UBE2Z: variants seen among roughly 807,000 people sequenced by gnomAD.
UBE2Z encodes the protein ubiquitin-conjugating enzyme E2 Z.
Under a neutral mutation model 32.6 loss-of-function variants are expected in UBE2Z, and 10 were observed. The observed-to-expected ratio is 0.31, with a 90% CI of 0.19 to 0.52. UBE2Z has a LOEUF of 0.52. Among genes scored for constraint, UBE2Z ranks in the 20% least tolerant of loss-of-function variants. UBE2Z has a pLI of 0.97. For missense variants in UBE2Z, 343 were observed against 480.9 expected, an observed-to-expected ratio of 0.71 and a Z score of 2.68; for synonymous variants, 183 against 190.8, an observed-to-expected ratio of 0.96 and a Z score of 0.34.
intron 4 of UBE2Z, among the ~76,000 whole-genome samples, chr17:48,919,273 C>T (rs1015066424): frequency 2.0e-5 from 3 of 151,964 alleles, no homozygotes; most frequent in East Asian, 1.9e-4. Flanking sequence ...TGTGAGCTAC[C>T]GCGCCTGGCC....
Position 48,910,786 on chromosome 17 carries a change from ACCT to A in UBE2Z, c.318-17_318-15del, listed in dbSNP as rs536169994. 39 of 1,588,136 alleles carry A rather than the reference ACCT, an allele frequency of 2.5e-5. No individual in the cohort carries two copies. Among genetic ancestry groups the A allele is most frequent in the Non-Finnish European group, 3.4e-5 (39 of 1,158,354 alleles). ...CCCCCTCTTCCTCACTCCTTCCCCC[ACCT>A]CCTCTTGGTGTTATACAGGGATATC... On this transcript the variant is annotated intron_variant, in intron 1 of 6. Coordinates refer to ENST00000360943, the MANE Select transcript of UBE2Z (RefSeq NM_023079.5).
intron 5 of UBE2Z, among the ~76,000 whole-genome samples, chr17:48,922,243 C>T (rs946677017): frequency 5.9e-5 from 9 of 151,878 alleles, no homozygotes; most frequent in African/African-American, 1.5e-4. Flanking sequence ...AAAAATTACC[C>T]GGGTGTGGTG....
chr17:48,917,855 A>AC (rs1567778856), intron 4 of UBE2Z, among the ~76,000 whole-genome samples: 1 of 152,216 alleles, frequency 6.6e-6, no homozygotes, highest in Non-Finnish European at 1.5e-5. Flanking sequence ...TGCCTTCCTG[A>AC]ATTACTCATG....
chr17:48,923,120 G>A (rs2040773445), intron 6 of UBE2Z, 183 bp downstream of exon 6: 3 of 483,982 alleles, frequency 6.2e-6, no homozygotes, highest in Non-Finnish European at 1.1e-5. Flanking sequence ...GGGAAATTGA[G>A]ACCATCCTGG....
In UBE2Z at chr17:48,910,836, C is replaced by T. The variant is rs1472254640; in HGVS notation, c.346C>T (p.Pro116Ser). ...RDIMSIYKEP[P>S]PGMFVVPDTV... ...TATCATGTCCATTTATAAGGAGCCTCCTCCAGGAATGTTCGTTGTACCTGA... is the reference window on the plus strand; with the variant it reads ...TATCATGTCCATTTATAAGGAGCCTTCTCCAGGAATGTTCGTTGTACCTGA... The change falls in exon 2 of 7, where the codon CCT becomes TCT. Residue 116 changes from proline to serine, a missense_variant. Around this residue, in one of 4 missense-constraint regions of UBE2Z, gnomAD observed 182 missense variants for 312.4 expected, o/e 0.58. Coordinates refer to ENST00000360943, the MANE Select transcript of UBE2Z (RefSeq NM_023079.5). 1.9e-6 allele frequency: 3 copies of T among 1,613,580 alleles called. No homozygotes were observed.
At chr17:48,916,817 T>A (rs1357780931) in intron 4 of UBE2Z, among the ~76,000 whole-genome samples, 1 of 149,028 alleles carries the variant, frequency 6.7e-6, no homozygotes, top group Non-Finnish European at 1.5e-5. Flanking sequence ...TAAAACCCCA[T>A]CTCTACTAAA....
rs15563 is a variant in UBE2Z at position 48,927,831 on chromosome 17, A to G, written c.*697A>G. 0.41 allele frequency: 62,860 copies of G among 152,490 alleles called. 15,508 individuals are homozygous for G. The highest frequency in any genetic ancestry group is 0.71 in the East Asian group (3,669 of 5,168). 9.4% of individuals were successfully genotyped at this position (152,490 alleles called of 1,614,324 possible). ...ACCCTTTTCTAGATGTAAGACAGAA[A>G]GTAAATGTGACTGGGACTTAACCAA... On this transcript the variant is annotated 3_prime_UTR_variant, in exon 7 of 7. Coordinates refer to ENST00000360943, the MANE Select transcript of UBE2Z (RefSeq NM_023079.5).
Position 48,927,264 on chromosome 17 carries a change from A to C in UBE2Z, c.*130A>C. The C allele has an allele frequency of 1.5e-5, 15 of 1,014,892 alleles. No homozygotes were observed. The highest frequency in any genetic ancestry group is 2.0e-5 in the Non-Finnish European group (14 of 699,904). The allele number at this position is 1,014,892 out of a possible 1,614,324, so 62.9% of individuals were successfully genotyped here. ...TCATCCTGCAAGATGGCAAGAACCA[A>C]GCAAGCTCCGATCCCAGGGTGTGGG... On this transcript the variant is annotated 3_prime_UTR_variant, in exon 7 of 7. Transcript: ENST00000360943.
intron 2 of UBE2Z, 81 bp downstream of exon 2, chr17:48,910,961 G>C: frequency 3.6e-6 from 4 of 1,118,150 alleles, no homozygotes; most frequent in Non-Finnish European, 1.4e-6. Context: ...AGATTATTCA[G>C]CTCACCTCTC....
chr17:48,926,967 C>T lies in UBE2Z; in HGVS notation c.898C>T (p.Pro300Ser). 6.2e-7 allele frequency: 1 copy of T among 1,612,330 alleles called. No individual in the cohort carries two copies. The highest frequency in any genetic ancestry group is 8.5e-7 in the Non-Finnish European group (1 of 1,179,348). Residue 300 changes from proline to serine, a missense_variant, in exon 7 of 7, where the codon CCT (proline) becomes TCT (serine). By Grantham distance (74) the Pro-to-Ser change is moderately conservative (BLOSUM62 -1). Transcript: ENST00000360943. ...LHLQGQTMQDPFGEKRGHFDY... is the reference protein window; with the variant it reads ...LHLQGQTMQDSFGEKRGHFDY... The stretch of plus-strand genomic sequence containing the variant: ...CCCTTGTCTCCTTTCCCCACAGGAC[C>T]CTTTTGGAGAGAAGCGGGGCCACTT...
chr17:48,909,852 A>G (rs2040662946), intron 1 of UBE2Z, among the ~76,000 whole-genome samples: 1 of 151,914 alleles, frequency 6.6e-6, no homozygotes, highest in Admixed American at 6.6e-5. Context: ...CTCTGTGTCT[A>G]CTTTTCAAGG....
At chr17:48,910,163 T>C (rs991547443) in intron 1 of UBE2Z, among the ~76,000 whole-genome samples, 1 of 151,942 alleles carries the variant, frequency 6.6e-6, no homozygotes, top group Non-Finnish European at 1.5e-5. Flanking sequence ...TGGTGAGATA[T>C]GAGTCAGAAA....
At chr17:48,920,243 C>T (rs917658979) in intron 4 of UBE2Z, among the ~76,000 whole-genome samples, 3 of 152,114 alleles carry the variant, frequency 2.0e-5, no homozygotes, top group African/African-American at 7.2e-5. Context: ...GCCTGTAATC[C>T]CAGCGCTTTG....
At chr17:48,917,655 G>A (rs1341726483) in intron 4 of UBE2Z, among the ~76,000 whole-genome samples, 2 of 152,048 alleles carry the variant, frequency 1.3e-5, no homozygotes, top group Non-Finnish European at 2.9e-5. Context: ...GCTCTGTGCT[G>A]GACACTACCA....
chr17:48,910,999 C>T (rs1461122769), intron 2 of UBE2Z, 119 bp downstream of exon 2: 3 of 848,950 alleles, frequency 3.5e-6, no homozygotes, highest in Admixed American at 1.8e-5. Context: ...AAATCAAGAC[C>T]CCAGGAGAGT....
chr17:48,921,341 G>A, intron 5 of UBE2Z, 69 bp downstream of exon 5: 1 of 1,200,460 alleles, frequency 8.3e-7, no homozygotes, highest in Non-Finnish European at 1.2e-6. Context: ...TTGGGGCAGA[G>A]TACAGTGTTG....
Position 48,908,733 on chromosome 17 carries a change from C to A in UBE2Z, c.230C>A (p.Ala77Asp). 1 of 1,466,916 alleles carries A rather than the reference C, an allele frequency of 6.8e-7. No homozygotes were observed. Among genetic ancestry groups the A allele is most frequent in the Non-Finnish European group, 9.0e-7 (1 of 1,112,226 alleles). 90.9% of individuals were successfully genotyped at this position (1,466,916 alleles called of 1,614,324 possible). Reference protein sequence around the residue: ...GLPPSAAAHGAALLSHWDPTL... With the variant: ...GLPPSAAAHGDALLSHWDPTL... ...CCGCCCTCAGCCGCTGCCCACGGGG[C>A]CGCGCTGCTTAGCCACTGGGACCCC... The change falls in exon 1 of 7, where the codon GCC becomes GAC. Residue 77 changes from alanine to aspartate, a missense_variant. By Grantham distance (126) the Ala-to-Asp change is moderately radical (BLOSUM62 -2). Around this residue, in one of 4 missense-constraint regions of UBE2Z, gnomAD observed 55 missense variants for 56.2 expected, o/e 0.98. Transcript: ENST00000360943.
intron 6 of UBE2Z, 117 bp from the exon 7 acceptor site, chr17:48,926,847 T>G (rs999664420): frequency 1.3e-5 from 15 of 1,197,992 alleles, no homozygotes; most frequent in South Asian, 1.5e-5. Flanking sequence ...CTGTTAGGCC[T>G]TCCTGCTCCC....
At chr17:48,921,041 A>G in intron 4 of UBE2Z, 119 bp from the exon 5 acceptor site, 1 of 746,456 alleles carries the variant, frequency 1.3e-6, no homozygotes, top group Non-Finnish European at 2.2e-6. Context: ...TACAGTGGGA[A>G]AGGTATCTTT....
Sources: gnomAD v4.1 joint callset for allele counts (sites outside exome capture counted in the v4.1 genomes callset) on GRCh38, gnomAD v4.1.1 for gene constraint, gnomAD v4.1.1 regional missense constraint, MANE v1.5 for transcripts, NCBI Gene and HGNC (gene_info 2026-07-23, HGNC 2026-07-21) for gene names.